The following RIMKLB variants were observed in gnomAD, a reference collection of about 807,000 sequenced individuals.
RIMKLB encodes beta-citrylglutamate synthase B.
Under a neutral mutation model 32.0 loss-of-function variants are expected in RIMKLB, and 7 were observed. That is an observed-to-expected ratio of 0.22 (90% CI 0.12 to 0.41). The LOEUF is 0.41. RIMKLB is among the 10% of genes least tolerant of loss of function. The pLI is 1.00. For missense variants in RIMKLB, 289 were observed against 498.7 expected (o/e 0.58, Z 4.00); for synonymous variants, 172 against 185.1 (o/e 0.93, Z 0.57).
intron 1 of RIMKLB, among the ~76,000 whole-genome samples, chr12:8,699,547 A>G (rs1943200655): frequency 6.6e-6 from 1 of 152,232 alleles, no homozygotes; most frequent in Admixed American, 6.5e-5. Flanking sequence ...TTTAAAAATA[A>G]TCATAGTTAA....
chr12:8,774,035 T>A lies in RIMKLB; in HGVS notation c.*251T>A, dbSNP rs1396477794. 2.4e-6 allele frequency: 3 copies of A among 1,270,020 alleles called. No homozygotes were observed. The East Asian group carries it at 9.2e-5, about 39-fold the overall frequency. The allele number at this position is 1,270,020 out of a possible 1,614,324, so 78.7% of individuals were successfully genotyped here. A position where few individuals can be genotyped will look rare whatever the true frequency, so the allele number is the denominator to read the frequency against. On this transcript the variant is annotated 3_prime_UTR_variant, in exon 6 of 6. Transcript: ENST00000535829. ...AATGTCAGGCTCTCATAGTTACCCT[T>A]TTAAATTGCTAAAAAATGTGTATGC...
intron 1 of RIMKLB, among the ~76,000 whole-genome samples, chr12:8,710,065 C>G (rs1436685906): frequency 6.6e-6 from 1 of 152,012 alleles, no homozygotes; most frequent in Non-Finnish European, 1.5e-5. Flanking sequence ...GGGGTCACTG[C>G]AGTTTCGACT....
At chr12:8,711,354 G>A (rs1944359956) in intron 1 of RIMKLB, among the ~76,000 whole-genome samples, 1 of 152,000 alleles carries the variant, frequency 6.6e-6, no homozygotes, top group African/African-American at 2.4e-5. Context: ...GGCTATGATT[G>A]CACCACTGCA....
At chr12:8,728,292 C>G (rs1481517597) in intron 2 of RIMKLB, among the ~76,000 whole-genome samples, 8 of 152,206 alleles carry the variant, frequency 5.3e-5, no homozygotes, top group Middle Eastern at 3.4e-3. Flanking sequence ...TTTCAGATAA[C>G]TTGTATTTTT....
intron 2 of RIMKLB, among the ~76,000 whole-genome samples, chr12:8,738,508 A>AT (rs1436415241): frequency 1.1e-4 from 17 of 152,366 alleles, no homozygotes; most frequent in South Asian, 2.1e-4. Context: ...TGTGAAGTCC[A>AT]TTAAAATGTC....
chr12:8,696,100 A>G (rs1026706848), upstream of RIMKLB, among the ~76,000 whole-genome samples: 65 of 152,212 alleles, frequency 4.3e-4, no homozygotes, highest in African/African-American at 1.4e-3. Flanking sequence ...GTTACCACGA[A>G]TTGGATTCCT....
chr12:8,695,199 GCCCCGCC>G, upstream of RIMKLB, among the ~76,000 whole-genome samples: 1 of 67,170 alleles, frequency 1.5e-5, no homozygotes, highest in Non-Finnish European at 3.1e-5. Flanking sequence ...CCGCCCCCCC[GCCCCGCC>G]CCGCCCGGCC....
At chr12:8,768,913 AGCTTTTGTATTTTT>A (rs1171945803) in intron 5 of RIMKLB, among the ~76,000 whole-genome samples, 7 of 152,208 alleles carry the variant, frequency 4.6e-5, no homozygotes, top group Non-Finnish European at 8.8e-5. Context: ...TTGTCAAAAT[AGCTTTTGTATTTTT>A]AAAAAATTCT....
intron 2 of RIMKLB, among the ~76,000 whole-genome samples, chr12:8,722,942 G>A (rs1945608849): frequency 1.3e-5 from 2 of 152,220 alleles, no homozygotes; most frequent in South Asian, 4.1e-4. Context: ...TTGCCTTAAG[G>A]GAATGTTGTG....
rs186982302 is a variant in RIMKLB at position 8,730,623 on chromosome 12, G to A, written c.175+16582G>A. ...TCTGCCCTACACCCTCCAATTTTAC[G>A]TAGGGAATTGGGCTGCCTAAAGTCT... is the stretch of plus-strand genomic sequence containing the variant. On this transcript the variant is annotated intron_variant, in intron 2 of 5. Coordinates refer to ENST00000535829, the MANE Select transcript of RIMKLB (RefSeq NM_001297776.2). Among the ~76,000 whole-genome samples the A allele has an allele frequency of 2.4e-4, 37 of 152,332 alleles. 1 individual carries two copies. In the Middle Eastern group the frequency reaches 0.014, roughly 56 times the overall value.
intron 2 of RIMKLB, among the ~76,000 whole-genome samples, chr12:8,725,562 G>A (rs137905574): frequency 2.6e-5 from 4 of 152,192 alleles, no homozygotes; most frequent in East Asian, 3.9e-4. Context: ...AGTCTGCCCC[G>A]GCCCCTTTGC....
At chr12:8,722,009 G>T (rs1205984955) in intron 2 of RIMKLB, among the ~76,000 whole-genome samples, 1 of 152,142 alleles carries the variant, frequency 6.6e-6, no homozygotes, top group Non-Finnish European at 1.5e-5. Flanking sequence ...CTCCCAAAGT[G>T]CTGGGATTAC....
chr12:8,689,787 G>C (rs917887875), intron 1 of RIMKLB, among the ~76,000 whole-genome samples: 1 of 152,144 alleles, frequency 6.6e-6, no homozygotes, highest in Non-Finnish European at 1.5e-5. Context: ...GGAGAACGCA[G>C]GCTGGGTATA....
At chr12:8,739,801 C>T (rs371718063) in intron 2 of RIMKLB, among the ~76,000 whole-genome samples, 18 of 152,218 alleles carry the variant, frequency 1.2e-4, no homozygotes, top group East Asian at 7.7e-4. Context: ...AGGCACTAAT[C>T]CCATTGATGA....
chr12:8,704,999 C>CACACACACACAAAAAAAAAAA (rs35908223), intron 1 of RIMKLB, among the ~76,000 whole-genome samples: 1 of 151,540 alleles, frequency 6.6e-6, no homozygotes, highest in African/African-American at 2.4e-5. Context: ...CACACACACA[C>CACACACACACAAAAAAAAAAA]AAAACCCCAA....
intron 5 of RIMKLB, among the ~76,000 whole-genome samples, chr12:8,755,350 A>G (rs2908454): frequency 0.6 from 90,394 of 151,294 alleles, 27,157 homozygotes; most frequent in African/African-American, 0.63. Flanking sequence ...ATCCTCCTTC[A>G]TTGGCCTTCT....
chr12:8,692,156 A>G (rs1014964381), intron 1 of RIMKLB, among the ~76,000 whole-genome samples: 2 of 152,216 alleles, frequency 1.3e-5, no homozygotes, highest in African/African-American at 4.8e-5. Context: ...CAGGGAAATC[A>G]GGACTAGGAA....
chr12:8,769,467 T>A (rs1592003700), intron 5 of RIMKLB, among the ~76,000 whole-genome samples: 1 of 152,198 alleles, frequency 6.6e-6, no homozygotes, highest in African/African-American at 2.4e-5. Context: ...TCGGACTAGT[T>A]TCCATCTTTT....
At chr12:8,741,454 AG>A (rs1331444506) in intron 2 of RIMKLB, among the ~76,000 whole-genome samples, 1 of 151,630 alleles carries the variant, frequency 6.6e-6, no homozygotes, top group Non-Finnish European at 1.5e-5. Context: ...ATAAAATAGA[AG>A]AACCAGGAGG....
Sources: gnomAD v4.1 joint callset for allele counts (sites outside exome capture counted in the v4.1 genomes callset) on GRCh38, gnomAD v4.1.1 for gene constraint, MANE v1.5 for transcripts, NCBI Gene and HGNC (gene_info 2026-07-23, HGNC 2026-07-21) for gene names.